CSMD1: variants seen among roughly 807,000 people sequenced by gnomAD.
The protein encoded by CSMD1 is CUB and sushi domain-containing protein 1.
CSMD1 carries 213 observed loss-of-function variants against 417.5 expected under a neutral mutation model. The ratio of observed to expected loss-of-function variants is 0.51; its 90% CI spans 0.46 to 0.57. CSMD1 has a LOEUF of 0.57. Ranked by LOEUF, CSMD1 falls within the 20% of genes least tolerant of loss-of-function variation. The probability of loss-of-function intolerance (pLI) is 0.00; values close to 1 mark genes in which losing one functional copy is unlikely to be tolerated. For synonymous variants in CSMD1, 2,862 were observed against 1,736.8 expected, an observed-to-expected ratio of 1.65 and a Z score of -16.11; for missense variants, 6,923 against 4,529.7, an observed-to-expected ratio of 1.53 and a Z score of -15.17.
At chr8:4,988,049 A>G (rs1811271096) in intron 1 of CSMD1, among the ~76,000 whole-genome samples, 1 of 152,178 alleles carries the variant, frequency 6.6e-6, no homozygotes, top group African/African-American at 2.4e-5. Context: ...TCCCCTTTAT[A>G]TATACATTTA....
At chr8:4,973,501 A>C (rs538730380) in intron 1 of CSMD1, among the ~76,000 whole-genome samples, 1 of 152,302 alleles carries the variant, frequency 6.6e-6, no homozygotes, top group African/African-American at 2.4e-5. Flanking sequence ...AATACCATAG[A>C]AACTTTGTTG....
At chr8:4,848,298 G>A (rs1003855947) in intron 1 of CSMD1, among the ~76,000 whole-genome samples, 1 of 152,134 alleles carries the variant, frequency 6.6e-6, no homozygotes, top group Non-Finnish European at 1.5e-5. Context: ...ACCAGTTTTT[G>A]TGTGAATACA....
intron 6 of CSMD1, among the ~76,000 whole-genome samples, chr8:3,739,829 A>G (rs1219539007): frequency 6.6e-6 from 1 of 152,208 alleles, no homozygotes; most frequent in African/African-American, 2.4e-5. Flanking sequence ...CAAAGAATGC[A>G]GACATTTTAC....
chr8:3,370,930 C>G (rs977728995), intron 18 of CSMD1, among the ~76,000 whole-genome samples: 4 of 151,894 alleles, frequency 2.6e-5, no homozygotes, highest in Non-Finnish European at 4.4e-5. Flanking sequence ...GAGCTGAGAT[C>G]ACGCCATTGC....
chr8:4,802,953 C>G (rs1798386883), intron 1 of CSMD1, among the ~76,000 whole-genome samples: 1 of 152,098 alleles, frequency 6.6e-6, no homozygotes, highest in African/African-American at 2.4e-5. Context: ...GTGCTGGCTT[C>G]TACAAGAAAT....
intron 3 of CSMD1, among the ~76,000 whole-genome samples, chr8:4,214,067 G>A (rs188196322): frequency 6.6e-6 from 1 of 152,228 alleles, no homozygotes; most frequent in East Asian, 1.9e-4. Context: ...ATAAATATCT[G>A]ACCTACTGAA....
At position 3,764,939 on chromosome 8, in the gene CSMD1, T is replaced by C. The variant is rs180789263; in HGVS notation, c.819-10897A>G. On this transcript the variant is annotated intron_variant, in intron 5 of 69. Coordinates refer to ENST00000635120, the MANE Select transcript of CSMD1 (RefSeq NM_033225.6). ...TTTCGTATTTTTAGTAGAGACAGGG[T>C]TTCACATGTTGACCAGGCTGGTCTC... Among the ~76,000 whole-genome samples the C allele has an allele frequency of 1.5e-3, 223 of 151,758 alleles. 1 individual carries two copies. Among genetic ancestry groups the C allele is most frequent in the African/African-American group, 5.0e-3 (205 of 41,364 alleles).
chr8:4,012,706 G>C (rs73182063), intron 4 of CSMD1, among the ~76,000 whole-genome samples: 11,655 of 152,190 alleles, frequency 0.077, 514 homozygotes, highest in Middle Eastern at 0.12. Context: ...CAACTCCATA[G>C]AATGTCTAAA....
At chr8:3,794,089 G>T (rs371984673) in intron 5 of CSMD1, among the ~76,000 whole-genome samples, 4 of 152,168 alleles carry the variant, frequency 2.6e-5, no homozygotes, top group Non-Finnish European at 5.9e-5. Context: ...GATGGCTCAT[G>T]AAAAATGCAG....
In CSMD1 at chr8:3,135,308, T is replaced by C. The variant is rs545003441; in HGVS notation, c.6241+7157A>G. On this transcript the variant is annotated intron_variant, in intron 41 of 69. Transcript: ENST00000635120. Reference sequence around the variant, plus strand: ...TAAAAATCTCTTGCATACAAATACTTCATTTACATAGAGTTTTAATCCAAT... The same window carrying C: ...TAAAAATCTCTTGCATACAAATACTCCATTTACATAGAGTTTTAATCCAAT... Among the ~76,000 whole-genome samples the C allele has an allele frequency of 3.9e-5, 6 of 152,360 alleles. No homozygotes were observed. In the East Asian group the frequency reaches 1.2e-3, roughly 29 times the overall value.
At chr8:4,729,836 A>G (rs1246212689) in intron 1 of CSMD1, among the ~76,000 whole-genome samples, 1 of 152,224 alleles carries the variant, frequency 6.6e-6, no homozygotes, top group Non-Finnish European at 1.5e-5. Context: ...GTAAAAGCAA[A>G]GATACTCCTA....
At chr8:4,077,717 T>C (rs1799908044) in intron 3 of CSMD1, among the ~76,000 whole-genome samples, 1 of 152,202 alleles carries the variant, frequency 6.6e-6, no homozygotes, top group Non-Finnish European at 1.5e-5. Flanking sequence ...TTTCTTACCA[T>C]TCTCAAATTT....
At chr8:3,993,930 T>C (rs889098377) in intron 5 of CSMD1, among the ~76,000 whole-genome samples, 1 of 152,034 alleles carries the variant, frequency 6.6e-6, no homozygotes, top group Non-Finnish European at 1.5e-5. Context: ...GCTGAACAAA[T>C]GCACCAGGGA....
chr8:3,415,602 G>A (rs1003848007), intron 12 of CSMD1, among the ~76,000 whole-genome samples: 2 of 152,158 alleles, frequency 1.3e-5, no homozygotes, highest in Admixed American at 1.3e-4. Flanking sequence ...CAAGTGATCT[G>A]CCCTCCTCTA....
At chr8:4,712,434 T>A (rs2116869504) in intron 1 of CSMD1, among the ~76,000 whole-genome samples, 1 of 152,310 alleles carries the variant, frequency 6.6e-6, no homozygotes, top group East Asian at 1.9e-4. Flanking sequence ...GACTACCTAC[T>A]CTTACTCTGA....
rs1222957097 is a variant in CSMD1, at chr8:4,216,787, A to T, written c.416-184688T>A. Among the ~76,000 whole-genome samples, 3 of 152,162 alleles carry T rather than the reference A, an allele frequency of 2.0e-5. No homozygotes were observed. The East Asian group carries it at 5.8e-4, about 29-fold the overall frequency. ...TCTTTACAGAAAAGAGAAAGTCTCC[A>T]GATGAAATTACACACAGAATTCCAA... On this transcript the variant is annotated intron_variant, in intron 3 of 69. Coordinates refer to ENST00000635120, the MANE Select transcript of CSMD1 (RefSeq NM_033225.6).
At chr8:4,053,119 C>T (rs1016533526) in intron 3 of CSMD1, among the ~76,000 whole-genome samples, 1 of 152,146 alleles carries the variant, frequency 6.6e-6, no homozygotes, top group Non-Finnish European at 1.5e-5. Context: ...ACCCCTTGCC[C>T]AGGAAGCTTC....
chr8:4,131,591 C>T (rs533203525), intron 3 of CSMD1, among the ~76,000 whole-genome samples: 1 of 152,032 alleles, frequency 6.6e-6, no homozygotes, highest in African/African-American at 2.4e-5. Flanking sequence ...TGCATAGTCC[C>T]TAATGCTTAG....
chr8:4,661,458 C>G (rs2724959), intron 1 of CSMD1, among the ~76,000 whole-genome samples: 84,357 of 151,912 alleles, frequency 0.56, 23,667 homozygotes, highest in Admixed American at 0.66. Context: ...AAATGGAGAA[C>G]AGATTATTCA....
Sources: allele counts gnomAD v4.1 joint callset (sites outside exome capture counted in the v4.1 genomes callset), GRCh38; gene constraint gnomAD v4.1.1; transcripts MANE v1.5; gene names NCBI Gene and HGNC (gene_info 2026-07-23, HGNC 2026-07-21).